RARB: variants seen among roughly 807,000 people sequenced by gnomAD.
RARB encodes HBV-activated protein.
RARB carries 17 observed loss-of-function variants against 51.9 expected under a neutral mutation model. That is an observed-to-expected ratio of 0.33 (90% confidence interval 0.22 to 0.49). The LOEUF (loss-of-function observed/expected upper bound fraction) is 0.49. RARB is among the 20% of genes least tolerant of loss of function. The pLI is 0.99. For synonymous variants in RARB, 215 were observed against 195.4 expected (o/e 1.10, Z -0.84); for missense variants, 369 against 550.8 (o/e 0.67, Z 3.30).
intron 1 of RARB, among the ~76,000 whole-genome samples, chr3:25,455,947 A>G (rs2125548014): frequency 6.6e-6 from 1 of 152,352 alleles, no homozygotes; most frequent in Non-Finnish European, 1.5e-5. Flanking sequence ...CTGAAATCAC[A>G]TCAGGATGGC....
At chr3:25,392,816 C>A (rs1205181936) in intron 5 of RARB, among the ~76,000 whole-genome samples, 2 of 152,038 alleles carry the variant, frequency 1.3e-5, no homozygotes, top group Non-Finnish European at 2.9e-5. Context: ...TCTAGGTATA[C>A]AATCATCTCA....
intron 3 of RARB, among the ~76,000 whole-genome samples, chr3:25,510,689 C>T (rs764484814): frequency 1.3e-5 from 2 of 152,058 alleles, no homozygotes; most frequent in Non-Finnish European, 2.9e-5. Flanking sequence ...GCAGTATTTC[C>T]CTAAGTGTAA....
chr3:24,890,191 G>A (rs1361388967), intron 2 of RARB, among the ~76,000 whole-genome samples: 1 of 152,128 alleles, frequency 6.6e-6, no homozygotes, highest in East Asian at 1.9e-4. Flanking sequence ...GTCTTTAAAA[G>A]TTGCCTTGCT....
intron 5 of RARB, among the ~76,000 whole-genome samples, chr3:25,411,416 G>A (rs191350835): frequency 1.3e-5 from 2 of 152,302 alleles, no homozygotes; most frequent in East Asian, 3.9e-4. Flanking sequence ...CCCATCTTGG[G>A]AGATCCAGTG....
At chr3:25,096,446 G>A (rs1559464780) in intron 3 of RARB, among the ~76,000 whole-genome samples, 1 of 152,134 alleles carries the variant, frequency 6.6e-6, no homozygotes, top group Non-Finnish European at 1.5e-5. Context: ...CCAGTTATTT[G>A]ACAGTAGTCA....
At position 25,131,803 on chromosome 3, in the gene RARB, C is replaced by G. The variant is rs1699958029; in HGVS notation, c.-327-358C>G. ...GATTGATAGTTCTTCTCCCCACTCC[C>G]AACCCCTCCCCAAAATTAAGGGCAA... is the stretch of plus-strand genomic sequence containing the variant. On this transcript the variant is annotated intron_variant, in intron 3 of 11. Transcript: ENST00000383772. Among the ~76,000 whole-genome samples, 3 of 151,976 alleles carry G rather than the reference C, an allele frequency of 2.0e-5. No individual in the cohort carries two copies. In the South Asian group the frequency reaches 6.2e-4, roughly 32 times the overall value.
At chr3:25,178,959 ATTG>A (rs1324335280) in intron 5 of RARB, among the ~76,000 whole-genome samples, 2 of 152,134 alleles carry the variant, frequency 1.3e-5, no homozygotes, top group African/African-American at 2.4e-5. Flanking sequence ...GCTGGAAAAT[ATTG>A]TTAAGTGTTT....
intron 4 of RARB, among the ~76,000 whole-genome samples, chr3:25,580,112 C>A (rs951926585): frequency 5.3e-5 from 8 of 152,344 alleles, no homozygotes. Context: ...CAGTGGCTCA[C>A]GCCTGTAATC....
intron 2 of RARB, among the ~76,000 whole-genome samples, chr3:25,051,652 A>G (rs1698334983): frequency 3.3e-5 from 5 of 152,214 alleles, no homozygotes. Flanking sequence ...ACAGTGAGCT[A>G]TTAGATGATA....
At position 25,146,683 on chromosome 3, in the gene RARB, G is replaced by T. The variant is rs574457469; in HGVS notation, c.-280+14475G>T. ...CCGCGCCCGGCTAATTTTTTGTGGG[G>T]TTTTTTTTGTATTTTTTAGTAGAGA... On this transcript the variant is annotated intron_variant, in intron 4 of 11. Transcript: ENST00000383772. Among the ~76,000 whole-genome samples, 407 of 150,858 alleles carry T rather than the reference G, an allele frequency of 2.7e-3. 2 individuals carry two copies. The South Asian group carries it at 0.032, about 12-fold the overall frequency.
intron 3 of RARB, among the ~76,000 whole-genome samples, chr3:25,542,854 G>A (rs1348287522): frequency 6.6e-6 from 1 of 152,200 alleles, no homozygotes; most frequent in Non-Finnish European, 1.5e-5. Flanking sequence ...CAATAACTCT[G>A]TGAAGTGTTT....
At chr3:25,286,248 C>A (rs993731292) in intron 5 of RARB, among the ~76,000 whole-genome samples, 2 of 152,002 alleles carry the variant, frequency 1.3e-5, no homozygotes, top group Non-Finnish European at 2.9e-5. Flanking sequence ...GCCACCATGC[C>A]CAGCTAATTT....
At chr3:25,324,631 C>T (rs368761059) in intron 5 of RARB, 4 of 172,644 alleles carry the variant, frequency 2.3e-5, no homozygotes, top group East Asian at 1.8e-4. Context: ...GGAGGCAGTG[C>T]CATTATCTCC....
chr3:25,270,237 C>G (rs1703226925), intron 5 of RARB, among the ~76,000 whole-genome samples: 1 of 152,144 alleles, frequency 6.6e-6, no homozygotes, highest in Non-Finnish European at 1.5e-5. Context: ...ATCCAAATCT[C>G]CATTGGTGCA....
intron 4 of RARB, among the ~76,000 whole-genome samples, chr3:25,143,985 A>G (rs952993965): frequency 2.0e-5 from 3 of 152,154 alleles, no homozygotes; most frequent in Admixed American, 6.5e-5. Flanking sequence ...TTCACTTTCT[A>G]TGAAAGATAT....
chr3:25,532,133 G>A (rs951028525), intron 3 of RARB, among the ~76,000 whole-genome samples: 1 of 152,086 alleles, frequency 6.6e-6, no homozygotes, highest in African/African-American at 2.4e-5. Flanking sequence ...TTCCACTGAG[G>A]GAGGGCTGCA....
intron 5 of RARB, among the ~76,000 whole-genome samples, chr3:25,359,626 C>T (rs1348165536): frequency 2.0e-5 from 3 of 152,122 alleles, no homozygotes; most frequent in Non-Finnish European, 4.4e-5. Flanking sequence ...CTATAAATTT[C>T]CCTCTAAACA....
rs570909723 is a variant in RARB, at chr3:24,935,636, G to A, written c.-380+76884G>A. 3.3e-5 allele frequency among the ~76,000 whole-genome samples: 5 copies of A among 152,296 alleles called. No individual in the cohort carries two copies. In the South Asian group the frequency reaches 8.3e-4, roughly 25 times the overall value. On this transcript the variant is annotated intron_variant, in intron 2 of 11. Coordinates refer to the RARB transcript ENST00000383772. ...GCTGATTTTTCACAATCCCTAGGAC[G>A]TAGAAGGCACTGCCATATGTTAGAG...
At chr3:25,228,935 CTT>C (rs1702116645) in intron 5 of RARB, among the ~76,000 whole-genome samples, 2 of 152,004 alleles carry the variant, frequency 1.3e-5, no homozygotes, top group African/African-American at 2.4e-5. Context: ...TTCCTTGTTT[CTT>C]TGTTTCGCCT....
Sources: gnomAD v4.1 joint callset for allele counts (sites outside exome capture counted in the v4.1 genomes callset) on GRCh38, gnomAD v4.1.1 for gene constraint, MANE v1.5 for transcripts, NCBI Gene and HGNC (gene_info 2026-07-23, HGNC 2026-07-21) for gene names.